ZNF687: variants seen among roughly 807,000 people sequenced by gnomAD.
ZNF687 encodes the protein zinc finger protein 687.
ZNF687 carries 13 observed loss-of-function variants against 71.8 expected under a neutral mutation model. The observed-to-expected ratio is 0.18, with a 90% CI of 0.12 to 0.29. The LOEUF is 0.29. Among genes scored for constraint, ZNF687 ranks in the 10% least tolerant of loss-of-function variants. The pLI, the probability that ZNF687 is intolerant of heterozygous loss-of-function variation, is 1.00. For synonymous variants in ZNF687, 673 were observed against 641.6 expected, an observed-to-expected ratio of 1.05 and a Z score of -0.74; for missense variants, 1,412 against 1,625.6, an observed-to-expected ratio of 0.87 and a Z score of 2.26.
At position 151,287,167 on chromosome 1, in the gene ZNF687, G is replaced by A; in HGVS notation, c.876G>A (p.Gly292=). The change falls in exon 2 of 9, where the codon GGG becomes GGA. Residue 292 remains glycine (G), a synonymous_variant. Coordinates refer to ENST00000336715, the MANE Select transcript of ZNF687 (RefSeq NM_020832.3). The surrounding 1 kb of genome is among the most constrained non-coding windows in gnomAD (Gnocchi z 5.0). ...TGAAGGAAGAAGATGATGATGAGGG[G>A]CCAGTGGACAAGTCTTCCCCAGGAA... ...QPLKEEDDDE[G]PVDKSSPGSP... The A allele has an allele frequency of 1.2e-6, 2 of 1,614,188 alleles. No homozygotes were observed. Among genetic ancestry groups the A allele is most frequent in the Non-Finnish European group, 1.7e-6 (2 of 1,180,034 alleles).
In ZNF687 at chr1:151,290,774, G is replaced by A. The variant is rs201368023; in HGVS notation, c.3279G>A (p.Thr1093=). The change falls in exon 9 of 9, where the codon ACG becomes ACA. Residue 1093 remains threonine (T), a synonymous_variant. Transcript: ENST00000336715. ...SDSCSEEPDS[T]TPPAKSPRGG... is the part of the protein sequence containing the mutation. ...CTTGCAGTGAGGAGCCTGACAGCAC[G>A]ACACCGCCAGCCAAGTCCCCCAGGG... The A allele has an allele frequency of 3.4e-5, 55 of 1,613,574 alleles. 1 individual carries two copies. The Admixed American group carries it at 5.3e-4, about 16-fold the overall frequency.
intron 1 of ZNF687, chr1:151,284,283 T>TTTAGCC (rs2101861829): frequency 1.0e-6 from 1 of 985,066 alleles, no homozygotes; most frequent in Non-Finnish European, 1.2e-6. Context: ...TCTTGGGAGT[T>TTTAGCC]TTAGCCTCGG....
chr1:151,287,282 C>A lies in ZNF687; in HGVS notation c.991C>A (p.Arg331=), dbSNP rs753095204. The change falls in exon 2 of 9, where the codon CGG becomes AGG. Residue 331 remains arginine (R), a synonymous_variant. Coordinates refer to ENST00000336715, the MANE Select transcript of ZNF687 (RefSeq NM_020832.3). This position sits in a 1 kb window ranked among gnomAD's most constrained non-coding sequence, Gnocchi z 5.0. ...CAGCTCCTCTAGGCCTCTTAAGGTG[C>A]GGATCAAGACCATTAAAACATCCTG... ...ASSSSRPLKV[R]IKTIKTSCGN... 7 of 1,614,166 alleles carry A rather than the reference C, an allele frequency of 4.3e-6. No individual in the cohort carries two copies. Among genetic ancestry groups the A allele is most frequent in the Admixed American group, 1.7e-5 (1 of 60,024 alleles).
At chr1:151,282,433 GCCCCCTTGGGGGGGGCGGGTAAATA>G in intron 1 of ZNF687, 38 bp downstream of exon 1, 1 of 985,110 alleles carries the variant, frequency 1.0e-6, no homozygotes, top group African/African-American at 1.7e-5. Context: ...CCTTGGCTCC[GCCCCCTTGGGGGGGGCGGGTAAATA>G]CCCCCGCCCC....
At position 151,286,864 on chromosome 1, in the gene ZNF687, C is replaced by G; in HGVS notation, c.573C>G (p.Thr191=). 6 of 1,613,428 alleles carry G rather than the reference C, an allele frequency of 3.7e-6. No homozygotes were observed. The highest frequency in any genetic ancestry group is 5.1e-6 in the Non-Finnish European group (6 of 1,179,498). The change falls in exon 2 of 9, where the codon ACC becomes ACG. Residue 191 remains threonine (T), a synonymous_variant. Transcript: ENST00000336715. ...APSPTREGAL[T]PPPFPSSFEL... ...CTCCCACTCGGGAGGGGGCTCTGAC[C>G]CCGCCTCCTTTCCCCTCTTCCTTTG...
At position 151,291,846 on chromosome 1, in the gene ZNF687, A is replaced by G. The variant is rs1014656987; in HGVS notation, c.*637A>G. The G allele has an allele frequency of 6.6e-6, 1 of 152,506 alleles. No homozygotes were observed. The highest frequency in any genetic ancestry group is 2.4e-5 in the African/African-American group (1 of 41,410). 9.4% of individuals were successfully genotyped at this position (152,506 alleles called of 1,614,324 possible). ...TCTTGTAGTAATAATAATACTAACA[A>G]ACAGTTGGGGAACTAGGGAGAAAAC... On this transcript the variant is annotated 3_prime_UTR_variant, in exon 9 of 9. Coordinates refer to ENST00000336715, the MANE Select transcript of ZNF687 (RefSeq NM_020832.3).
rs751417252 is a variant in ZNF687 at position 151,288,337 on chromosome 1, C to T, written c.2046C>T (p.Cys682=). ...GCTGCCTGGAGTGCAAGGAACAGTG[C>T]CGGGACAAGGCTGGCATGGCAGCTC... is the stretch of plus-strand genomic sequence containing the variant. The part of the protein sequence containing the change: ...CFRCLECKEQ[C]RDKAGMAAHF... Residue 682 remains cysteine, a synonymous_variant, in exon 2 of 9, where the codon TGC becomes TGT. Transcript: ENST00000336715. 3.1e-6 allele frequency: 5 copies of T among 1,611,518 alleles called. No homozygotes were observed. Among genetic ancestry groups the T allele is most frequent in the South Asian group, 2.2e-5 (2 of 91,058 alleles).
In ZNF687 at chr1:151,282,329, C is replaced by T; in HGVS notation, c.-84C>T. ...GTAGCGGCGGCCGCGGGGAGGGCGG[C>T]GGTGGCTGCAGCGGCTGGAGCGGGG... is the stretch of plus-strand genomic sequence containing the variant. On this transcript the variant is annotated 5_prime_UTR_variant, in exon 1 of 9. Transcript: ENST00000336715. 4 of 999,950 alleles carry T rather than the reference C, an allele frequency of 4.0e-6. No individual in the cohort carries two copies. The highest frequency in any genetic ancestry group is 4.8e-6 in the Non-Finnish European group (4 of 836,854). The allele number at this position is 999,950 out of a possible 1,614,324, so 61.9% of individuals were successfully genotyped here.
chr1:151,287,642 A>G lies in ZNF687; in HGVS notation c.1351A>G (p.Lys451Glu). The change falls in exon 2 of 9, where the codon AAG becomes GAG. Residue 451 changes from lysine to glutamate, a missense_variant. By Grantham distance (56) the Lys-to-Glu change is moderately conservative. Coordinates refer to ENST00000336715, the MANE Select transcript of ZNF687 (RefSeq NM_020832.3). This position sits in a 1 kb window ranked among gnomAD's most constrained non-coding sequence, Gnocchi z 5.0. ...VLGLVPQALPKADGRAGLGTG... is the reference protein window; with the variant it reads ...VLGLVPQALPEADGRAGLGTG... ...AGGCCTGGTGCCCCAAGCCCTGCCT[A>G]AGGCTGACGGGCGGGCAGGGCTGGG... 5 of 1,613,344 alleles carry G rather than the reference A, an allele frequency of 3.1e-6. No homozygotes were observed. The highest frequency in any genetic ancestry group is 4.2e-6 in the Non-Finnish European group (5 of 1,179,690).
Position 151,291,235 on chromosome 1 carries a change from C to T in ZNF687, c.*26C>T, listed in dbSNP as rs367604865. ...TCTCCAAGGCCTGGGACTGACCAGC[C>T]CCTTCCTCTTGGAGCCTGGTTTTCC... is the stretch of plus-strand genomic sequence containing the variant. On this transcript the variant is annotated 3_prime_UTR_variant, in exon 9 of 9. Transcript: ENST00000336715. 6.5e-5 allele frequency: 102 copies of T among 1,569,186 alleles called. No homozygotes were observed. The South Asian group carries it at 8.6e-4, about 13-fold the overall frequency.
intron 1 of ZNF687, among the ~76,000 whole-genome samples, chr1:151,284,591 C>T (rs1350900278): frequency 6.6e-6 from 1 of 152,106 alleles, no homozygotes; most frequent in Non-Finnish European, 1.5e-5. Context: ...AGACTTGATC[C>T]TGCATGACCC....
upstream of ZNF687, chr1:151,281,964 C>T: frequency 8.4e-7 from 1 of 1,187,108 alleles, no homozygotes; most frequent in South Asian, 1.5e-5. Flanking sequence ...GCTCCCCCTT[C>T]CAGTAGGCAA....
In ZNF687 at chr1:151,290,776, C is replaced by G; in HGVS notation, c.3281C>G (p.Thr1094Arg). ...DSCSEEPDSTTPPAKSPRGGP... is the reference protein window; with the variant it reads ...DSCSEEPDSTRPPAKSPRGGP... ...TGCAGTGAGGAGCCTGACAGCACGACACCGCCAGCCAAGTCCCCCAGGGGC... is the reference window on the plus strand; with the variant it reads ...TGCAGTGAGGAGCCTGACAGCACGAGACCGCCAGCCAAGTCCCCCAGGGGC... The change falls in exon 9 of 9, where the codon ACA (threonine) becomes AGA (arginine). Residue 1094 changes from threonine to arginine, a missense_variant. Coordinates refer to ENST00000336715, the MANE Select transcript of ZNF687 (RefSeq NM_020832.3). The G allele has an allele frequency of 6.2e-7, 1 of 1,613,576 alleles. No individual in the cohort carries two copies. The highest frequency in any genetic ancestry group is 8.5e-7 in the Non-Finnish European group (1 of 1,179,868).
intron 6 of ZNF687, 44 bp downstream of exon 6, chr1:151,290,051 T>G (rs1235565400): frequency 6.2e-7 from 1 of 1,607,016 alleles, no homozygotes; most frequent in Non-Finnish European, 8.5e-7. Context: ...GGGGCAGCAT[T>G]GGGACTGCCA....
At chr1:151,281,919 C>T, upstream of ZNF687, 1 of 873,690 alleles carries the variant, frequency 1.1e-6, no homozygotes, top group Non-Finnish European at 1.6e-6. Context: ...CTTCGAGCGG[C>T]CAGTAGGGAG....
At position 151,286,459 on chromosome 1, in the gene ZNF687, A is replaced by G; in HGVS notation, c.168A>G (p.Ala56=). 6.2e-7 allele frequency: 1 copy of G among 1,613,956 alleles called. No individual in the cohort carries two copies. The highest frequency in any genetic ancestry group is 8.5e-7 in the Non-Finnish European group (1 of 1,179,872). ...GAAGTGAATCTGAAGACACAGCAGC[A>G]GCCTCTGCTGGGGATGGCCCTGGAG... The part of the protein sequence containing the change: ...GVGSESEDTA[A]ASAGDGPGVP... The change falls in exon 2 of 9, where the codon GCA becomes GCG. Residue 56 remains alanine (A), a synonymous_variant. Coordinates refer to ENST00000336715, the MANE Select transcript of ZNF687 (RefSeq NM_020832.3).
At chr1:151,283,196 C>T (rs774905103) in intron 1 of ZNF687, 89 of 985,342 alleles carry the variant, frequency 9.0e-5, no homozygotes, top group Non-Finnish European at 9.9e-5. Context: ...AGGACTTGCT[C>T]CCCGCGCCAG....
Position 151,286,662 on chromosome 1 carries a change from A to G in ZNF687, c.371A>G (p.Gln124Arg), listed in dbSNP as rs778802548. 1 of 1,614,236 alleles carries G rather than the reference A, an allele frequency of 6.2e-7. No individual in the cohort carries two copies. Among genetic ancestry groups the G allele is most frequent in the East Asian group, 2.2e-5 (1 of 44,882 alleles). ...GGGCCTGTGGGGCCTCATCGAATGC[A>G]GAATGGTTTTGGGAGCCCTGAACCT... ...KEGPVGPHRMQNGFGSPEPSL... is the reference protein window; with the variant it reads ...KEGPVGPHRMRNGFGSPEPSL... Residue 124 changes from glutamine to arginine, a missense_variant, in exon 2 of 9, where the codon CAG becomes CGG. Physicochemically the swap from Gln to Arg is conservative, Grantham distance 43. Around this residue, in one of 8 missense-constraint regions of ZNF687, gnomAD observed 490 missense variants for 489.9 expected, o/e 1.00. Transcript: ENST00000336715.
At chr1:151,290,402 C>G (rs1487928186) in intron 7 of ZNF687, 30 bp from the exon 8 acceptor site, 1 of 1,613,650 alleles carries the variant, frequency 6.2e-7, no homozygotes, top group Non-Finnish European at 8.5e-7. Context: ...GGCTGTGCCG[C>G]TGCTGCCATC....
Sources: allele counts gnomAD v4.1 joint callset (sites outside exome capture counted in the v4.1 genomes callset), GRCh38; gene constraint gnomAD v4.1.1; regional missense constraint gnomAD v4.1.1; non-coding constraint Gnocchi (gnomAD v3.1); transcripts MANE v1.5; gene names NCBI Gene and HGNC (gene_info 2026-07-23, HGNC 2026-07-21).